The following NTM variants were observed in gnomAD, a reference collection of about 807,000 sequenced individuals.
NTM encodes neurotrimin, also known as IgLON family member 2.
NTM carries 13 observed loss-of-function variants against 42.1 expected under a neutral mutation model. That is an observed-to-expected ratio of 0.31 (90% CI 0.20 to 0.49). The LOEUF is 0.49. NTM is among the 20% of genes least tolerant of loss of function. NTM has a pLI of 0.99. For missense variants in NTM, 373 were observed against 452.8 expected (o/e 0.82, Z 1.60); for synonymous variants, 187 against 179.2 (o/e 1.04, Z -0.35).
intron 7 of NTM, among the ~76,000 whole-genome samples, chr11:132,325,123 G>A (rs1014340967): frequency 5.9e-5 from 9 of 152,224 alleles, no homozygotes; most frequent in South Asian, 2.1e-4. Context: ...AGGACTTCAT[G>A]TCTAAAACAC....
chr11:132,335,198 A>C lies in NTM; in HGVS notation c.*52A>C. The stretch of plus-strand genomic sequence containing the variant: ...AAGGCTGCCGCCACCACCACCACCA[A>C]CACAACAGCAATGGCAACACCGACA... On this transcript the variant is annotated 3_prime_UTR_variant, in exon 9 of 9. Coordinates refer to ENST00000683400, the MANE Select transcript of NTM (RefSeq NM_001352005.2). 6.3e-7 allele frequency: 1 copy of C among 1,595,476 alleles called. No individual in the cohort carries two copies. The highest frequency in any genetic ancestry group is 8.6e-7 in the Non-Finnish European group (1 of 1,169,132).
chr11:132,080,541 G>A (rs1017082034), intron 2 of NTM, among the ~76,000 whole-genome samples: 2 of 152,164 alleles, frequency 1.3e-5, no homozygotes, highest in Non-Finnish European at 2.9e-5. Flanking sequence ...AAAATGGCTG[G>A]GCATAGAGAC....
intron 4 of NTM, among the ~76,000 whole-genome samples, chr11:132,213,037 A>G (rs938385888): frequency 6.6e-6 from 1 of 152,222 alleles, no homozygotes; most frequent in African/African-American, 2.4e-5. Context: ...CAGAATGACA[A>G]GAGCTTTCTT....
chr11:131,783,544 G>T (rs2136029589), intron 1 of NTM, among the ~76,000 whole-genome samples: 1 of 152,226 alleles, frequency 6.6e-6, no homozygotes, highest in East Asian at 1.9e-4. Flanking sequence ...TGGGGAAAAA[G>T]ATTCTCTTTT....
At chr11:131,425,387 A>G (rs969300415) in intron 1 of NTM, among the ~76,000 whole-genome samples, 1 of 152,190 alleles carries the variant, frequency 6.6e-6, no homozygotes, top group Non-Finnish European at 1.5e-5. Context: ...GCCTCAATCA[A>G]TAGCAGCTCT....
At chr11:132,043,226 G>C (rs2135805217) in intron 2 of NTM, among the ~76,000 whole-genome samples, 1 of 152,296 alleles carries the variant, frequency 6.6e-6, no homozygotes, top group South Asian at 2.1e-4. Context: ...CTTTCTGCAA[G>C]CTCCTACATG....
chr11:131,370,913 T>A, intron 1 of NTM, 25 bp downstream of exon 1: 1 of 1,612,822 alleles, frequency 6.2e-7, no homozygotes, highest in Non-Finnish European at 8.5e-7. Flanking sequence ...TTGATTTGCC[T>A]TCGGTAGACC....
chr11:131,971,975 G>A (rs9733933), intron 2 of NTM, among the ~76,000 whole-genome samples: 14,112 of 149,570 alleles, frequency 0.094, 1,003 homozygotes, highest in African/African-American at 0.19. Flanking sequence ...CCCTGGATGC[G>A]GAGCTTGCAG....
intron 1 of NTM, among the ~76,000 whole-genome samples, chr11:131,416,751 C>T (rs1037260183): frequency 6.6e-6 from 1 of 152,092 alleles, no homozygotes; most frequent in Non-Finnish European, 1.5e-5. Flanking sequence ...ATCAAAGGAA[C>T]AGATTTAAAG....
intron 1 of NTM, among the ~76,000 whole-genome samples, chr11:131,639,800 A>T (rs1369086269): frequency 6.6e-6 from 1 of 151,990 alleles, no homozygotes; most frequent in East Asian, 1.9e-4. Flanking sequence ...TACTAAAAAT[A>T]CAAAAATTAG....
intron 1 of NTM, among the ~76,000 whole-genome samples, chr11:131,904,813 C>T (rs1343401657): frequency 6.6e-6 from 1 of 152,200 alleles, no homozygotes; most frequent in Non-Finnish European, 1.5e-5. Context: ...CTGTTTCCCA[C>T]AGGCCTAGAG....
intron 1 of NTM, among the ~76,000 whole-genome samples, chr11:131,772,531 C>A (rs1464996412): frequency 6.6e-6 from 1 of 152,168 alleles, no homozygotes; most frequent in Non-Finnish European, 1.5e-5. Context: ...TGAAGGACAA[C>A]CAGCAAGAAA....
chr11:132,169,263 G>A (rs1443976187), intron 3 of NTM, among the ~76,000 whole-genome samples: 1 of 148,316 alleles, frequency 6.7e-6, no homozygotes, highest in South Asian at 2.2e-4. Flanking sequence ...TCTGAGAGAG[G>A]CAGGCATTCT....
intron 2 of NTM, among the ~76,000 whole-genome samples, chr11:131,948,943 T>C (rs1314949920): frequency 1.3e-5 from 2 of 152,228 alleles, no homozygotes; most frequent in Non-Finnish European, 2.9e-5. Flanking sequence ...GAGTGTATCT[T>C]GCATAATTGA....
chr11:131,462,548 AAGGTTGAAGATTGTCAGCTAAATGCT>A (rs1171721608), intron 1 of NTM, among the ~76,000 whole-genome samples: 2 of 152,246 alleles, frequency 1.3e-5, no homozygotes, highest in African/African-American at 4.8e-5. Context: ...GCAGAGAAGA[AAGGTTGAAGATTGTCAGCTAAATGCT>A]GCTTTTCTTT....
intron 1 of NTM, among the ~76,000 whole-genome samples, chr11:131,607,246 G>C (rs1045310432): frequency 1.3e-5 from 2 of 152,194 alleles, no homozygotes; most frequent in African/African-American, 4.8e-5. Flanking sequence ...TGACTCAGGA[G>C]GCCTGAAGCT....
At chr11:131,991,976 A>T (rs73031534) in intron 2 of NTM, among the ~76,000 whole-genome samples, 1 of 152,196 alleles carries the variant, frequency 6.6e-6, no homozygotes, top group African/African-American at 2.4e-5. Flanking sequence ...CTGGATGTAT[A>T]TATGGAAACC....
chr11:131,484,248 T>G (rs2136251638), intron 1 of NTM, among the ~76,000 whole-genome samples: 1 of 152,324 alleles, frequency 6.6e-6, no homozygotes, highest in African/African-American at 2.4e-5. Flanking sequence ...TGAATTCCTC[T>G]TATTGGTAAA....
intron 1 of NTM, among the ~76,000 whole-genome samples, chr11:131,593,762 G>T (rs902904077): frequency 4.7e-4 from 72 of 152,146 alleles, no homozygotes; most frequent in African/African-American, 1.5e-3. Flanking sequence ...ACATTCTGTG[G>T]CCTCACGAGG....
Sources: allele counts gnomAD v4.1 joint callset (sites outside exome capture counted in the v4.1 genomes callset), GRCh38; gene constraint gnomAD v4.1.1; transcripts MANE v1.5; gene names NCBI Gene and HGNC (gene_info 2026-07-23, HGNC 2026-07-21).